The following MECOM variants were observed in gnomAD, a reference collection of about 807,000 sequenced individuals.
MECOM encodes MDS1 and EVI1 complex locus, also known as histone-lysine N-methyltransferase MECOM.
In MECOM, 13 loss-of-function variants were observed where a neutral mutation model predicts 116.3. The ratio of observed to expected loss-of-function variants is 0.11; its 90% CI spans 0.07 to 0.18. MECOM has a LOEUF of 0.18. Ranked by LOEUF, MECOM falls within the 10% of genes least tolerant of loss-of-function variation. MECOM has a pLI of 1.00. For synonymous variants in MECOM, 528 were observed against 535.2 expected (o/e 0.99, Z 0.19); for missense variants, 1,299 against 1,509.0 (o/e 0.86, Z 2.31).
intron 2 of MECOM, among the ~76,000 whole-genome samples, chr3:169,184,866 G>C (rs149365216): frequency 1.6e-3 from 244 of 152,310 alleles, no homozygotes; most frequent in Middle Eastern, 3.4e-3. Context: ...TAAGGGAAAG[G>C]CAGAGTGATT....
At chr3:169,581,840 T>C (rs545506079) in intron 1 of MECOM, among the ~76,000 whole-genome samples, 5 of 152,190 alleles carry the variant, frequency 3.3e-5, no homozygotes, top group Non-Finnish European at 7.3e-5. Context: ...TTGAAAACAT[T>C]TGACACTGGT....
intron 1 of MECOM, among the ~76,000 whole-genome samples, chr3:169,392,622 T>C (rs1183346396): frequency 1.3e-5 from 2 of 152,054 alleles, no homozygotes; most frequent in Non-Finnish European, 2.9e-5. Context: ...AGTGAAGACA[T>C]AGATGGTAAC....
chr3:169,394,222 A>G (rs1056022979), intron 1 of MECOM, among the ~76,000 whole-genome samples: 3 of 152,228 alleles, frequency 2.0e-5, no homozygotes, highest in Non-Finnish European at 1.5e-5. Flanking sequence ...CATTTAGCCA[A>G]CAAGACTTCT....
At chr3:169,554,880 C>A (rs1429370162) in intron 1 of MECOM, among the ~76,000 whole-genome samples, 1 of 152,128 alleles carries the variant, frequency 6.6e-6, no homozygotes, top group Non-Finnish European at 1.5e-5. Flanking sequence ...GCAGTGATCC[C>A]GAGAGCAATG....
intron 1 of MECOM, among the ~76,000 whole-genome samples, chr3:169,524,120 T>A (rs1190791695): frequency 6.6e-6 from 1 of 150,828 alleles, no homozygotes; most frequent in African/African-American, 2.4e-5. Flanking sequence ...TTATCTGGCA[T>A]CTTATCCCTG....
chr3:169,635,635 A>G (rs1772642424), intron 1 of MECOM, among the ~76,000 whole-genome samples: 1 of 152,210 alleles, frequency 6.6e-6, no homozygotes, highest in Non-Finnish European at 1.5e-5. Flanking sequence ...ATTTCCAAAT[A>G]TTCATTGAAC....
chr3:169,661,574 A>G (rs1313758613), intron 1 of MECOM, among the ~76,000 whole-genome samples: 1 of 152,146 alleles, frequency 6.6e-6, no homozygotes, highest in African/African-American at 2.4e-5. Context: ...GGGAAAGGAA[A>G]TGTATCGGGG....
chr3:169,399,482 A>G (rs1735528976), intron 1 of MECOM, among the ~76,000 whole-genome samples: 1 of 152,244 alleles, frequency 6.6e-6, no homozygotes, highest in African/African-American at 2.4e-5. Flanking sequence ...TTGGAAAACA[A>G]TGATCTCTTC....
At chr3:169,547,824 G>C (rs1240691221) in intron 1 of MECOM, among the ~76,000 whole-genome samples, 1 of 152,118 alleles carries the variant, frequency 6.6e-6, no homozygotes, top group Non-Finnish European at 1.5e-5. Context: ...TGAGAAGGCA[G>C]AGGCAGAGAC....
At position 169,485,956 on chromosome 3, in the gene MECOM, C is replaced by CT. The variant is rs1560340558; in HGVS notation, c.38-104433_38-104432insA. ...TAGTATATATGTATGTATATATGTA[C>CT]ATATATACTATATATACATATATAT... On this transcript the variant is annotated intron_variant, in intron 1 of 16. Transcript: ENST00000651503. 5.9e-5 allele frequency among the ~76,000 whole-genome samples: 2 copies of CT among 33,914 alleles called. 1 individual carries two copies. The highest frequency in any genetic ancestry group is 1.6e-3 in the East Asian group (2 of 1,252). The allele number at this position is 33,914 out of a possible 152,430, so 22.2% of individuals were successfully genotyped here. A position where few individuals can be genotyped will look rare whatever the true frequency, so the allele number is the denominator to read the frequency against.
chr3:169,375,360 C>T (rs1335460188), intron 2 of MECOM, among the ~76,000 whole-genome samples: 1 of 149,882 alleles, frequency 6.7e-6, no homozygotes, highest in African/African-American at 2.5e-5. Context: ...TATGAAAAAT[C>T]CTTCAAAAAA....
intron 1 of MECOM, among the ~76,000 whole-genome samples, chr3:169,464,364 C>T (rs566657121): frequency 6.6e-6 from 1 of 152,268 alleles, no homozygotes; most frequent in South Asian, 2.1e-4. Flanking sequence ...CTTTTCATAA[C>T]AGCAAGATTC....
intron 1 of MECOM, among the ~76,000 whole-genome samples, chr3:169,627,160 T>C (rs1277956785): frequency 2.0e-5 from 3 of 152,314 alleles, no homozygotes; most frequent in South Asian, 2.1e-4. Flanking sequence ...AAGGATCCAA[T>C]TGACAGTTTT....
rs117888153 is a variant in MECOM, at chr3:169,472,062, C to G, written c.38-90538G>C. Among the ~76,000 whole-genome samples, 6 of 152,172 alleles carry G rather than the reference C, an allele frequency of 3.9e-5. No individual in the cohort carries two copies. The East Asian group carries it at 7.7e-4, about 20-fold the overall frequency. ...ATGTGCAAGGATCCTAAGAGTGTTT[C>G]TCTCAAAGAAAGGATAAGTGCTTGA... On this transcript the variant is annotated intron_variant, in intron 1 of 16. Coordinates refer to ENST00000651503, the MANE Select transcript of MECOM (RefSeq NM_004991.4).
intron 1 of MECOM, among the ~76,000 whole-genome samples, chr3:169,470,449 G>A (rs1275303511): frequency 6.6e-6 from 1 of 152,172 alleles, no homozygotes; most frequent in Non-Finnish European, 1.5e-5. Context: ...CTGGCAACCA[G>A]ATACAAATTT....
At position 169,189,082 on chromosome 3, in the gene MECOM, A is replaced by G. The variant is rs535071916; in HGVS notation, c.376-45250T>C. 3.9e-5 allele frequency among the ~76,000 whole-genome samples: 6 copies of G among 152,248 alleles called. No homozygotes were observed. The East Asian group carries it at 1.2e-3, about 29-fold the overall frequency. On this transcript the variant is annotated intron_variant, in intron 2 of 16. Transcript: ENST00000651503. The stretch of plus-strand genomic sequence containing the variant: ...TTTACTTTTAGTATTCATGACTCGC[A>G]TGATCCTAGAACAACATATATTTAG...
At chr3:169,661,953 G>A (rs1776337874) in intron 1 of MECOM, among the ~76,000 whole-genome samples, 2 of 152,212 alleles carry the variant, frequency 1.3e-5, no homozygotes, top group African/African-American at 2.4e-5. Flanking sequence ...GGCAGCTCCA[G>A]CCCCGCCTAT....
intron 1 of MECOM, among the ~76,000 whole-genome samples, chr3:169,468,225 T>C (rs1163834680): frequency 6.6e-6 from 1 of 152,108 alleles, no homozygotes; most frequent in African/African-American, 2.4e-5. Flanking sequence ...TCCCATGCCC[T>C]GATTCCTCAT....
At chr3:169,274,455 T>C (rs1372683697) in intron 2 of MECOM, among the ~76,000 whole-genome samples, 1 of 152,128 alleles carries the variant, frequency 6.6e-6, no homozygotes, top group Non-Finnish European at 1.5e-5. Flanking sequence ...ACCTACTAGC[T>C]GAATGTAGCA....
Sources: allele counts gnomAD v4.1 joint callset (sites outside exome capture counted in the v4.1 genomes callset), GRCh38; gene constraint gnomAD v4.1.1; transcripts MANE v1.5; gene names NCBI Gene and HGNC (gene_info 2026-07-23, HGNC 2026-07-21).